Variants in SMPD3 observed in about 807,000 individuals in gnomAD.
SMPD3 encodes the protein sphingomyelin phosphodiesterase 3.
SMPD3 carries 21 observed loss-of-function variants against 55.7 expected under a neutral mutation model. The observed-to-expected ratio is 0.38, with a 90% CI of 0.27 to 0.54. The LOEUF is 0.54. SMPD3 is among the 20% of genes least tolerant of loss of function. The probability of loss-of-function intolerance (pLI) is 0.80; values close to 1 mark genes in which losing one functional copy is unlikely to be tolerated. For missense variants in SMPD3, 842 were observed against 899.6 expected (o/e 0.94, Z 0.82); for synonymous variants, 457 against 404.3 (o/e 1.13, Z -1.56).
At chr16:68,445,099 A>G (rs1219931492) in intron 1 of SMPD3, among the ~76,000 whole-genome samples, 2 of 152,248 alleles carry the variant, frequency 1.3e-5, no homozygotes, top group African/African-American at 4.8e-5. Flanking sequence ...CACTTCTGTC[A>G]TTAGGCCTGG....
chr16:68,397,562 C>T (rs2090169019), intron 1 of SMPD3, among the ~76,000 whole-genome samples: 1 of 152,144 alleles, frequency 6.6e-6, no homozygotes, highest in Non-Finnish European at 1.5e-5. Context: ...ACCTGGGTAC[C>T]CTCCCCGCTG....
intron 1 of SMPD3, among the ~76,000 whole-genome samples, chr16:68,413,122 C>G (rs2090314568): frequency 6.6e-6 from 1 of 152,228 alleles, no homozygotes; most frequent in Non-Finnish European, 1.5e-5. Flanking sequence ...CTCTTTGACA[C>G]CAGGTGAATG....
chr16:68,363,710 C>T, intron 6 of SMPD3, 67 bp downstream of exon 6: 3 of 1,492,622 alleles, frequency 2.0e-6, no homozygotes, highest in Non-Finnish European at 2.7e-6. Context: ...GGGGTAGGTC[C>T]TGGTGATCTT....
chr16:68,370,615 G>A (rs2089632164), intron 3 of SMPD3, among the ~76,000 whole-genome samples: 2 of 56,790 alleles, frequency 3.5e-5, no homozygotes, highest in African/African-American at 4.4e-4. Flanking sequence ...TGAGGAACGG[G>A]CCCAGATCAC....
chr16:68,408,243 C>T (rs1291083947), intron 1 of SMPD3, among the ~76,000 whole-genome samples: 6 of 152,066 alleles, frequency 3.9e-5, no homozygotes, highest in Non-Finnish European at 8.8e-5. Context: ...CTTCAATCTG[C>T]AAAGGGAAAA....
chr16:68,415,338 G>A (rs1211885001), intron 1 of SMPD3, among the ~76,000 whole-genome samples: 1 of 152,130 alleles, frequency 6.6e-6, no homozygotes, highest in African/African-American at 2.4e-5. Context: ...AGAGTCCTTG[G>A]GGGTCAGGCA....
intron 1 of SMPD3, among the ~76,000 whole-genome samples, chr16:68,423,979 G>C (rs2090416394): frequency 6.6e-6 from 1 of 151,954 alleles, no homozygotes; most frequent in African/African-American, 2.4e-5. Context: ...AGTGAGGGTG[G>C]ACATGGCCCA....
intron 7 of SMPD3, 69 bp downstream of exon 7, chr16:68,363,427 C>T (rs746617962): frequency 3.2e-6 from 5 of 1,567,008 alleles, no homozygotes; most frequent in South Asian, 1.1e-5. Flanking sequence ...CCATGTGGGT[C>T]CTGCCCAGTC....
rs1188780711 is a variant in SMPD3 at position 68,358,563 on chromosome 16, T to TA, written c.*2642dup. ...ACAATACAGAAAAAAATACAGAAAT[T>TA]AAAAAAGTTTTTATAACAGTATTTC... is the stretch of plus-strand genomic sequence containing the variant. On this transcript the variant is annotated 3_prime_UTR_variant, in exon 9 of 9. Coordinates refer to ENST00000219334, the MANE Select transcript of SMPD3 (RefSeq NM_018667.4). 6.6e-6 allele frequency: 1 copy of TA among 152,566 alleles called. No homozygotes were observed. Among genetic ancestry groups the TA allele is most frequent in the African/African-American group, 2.4e-5 (1 of 41,428 alleles). The allele number at this position is 152,566 out of a possible 1,614,324, so 9.5% of individuals were successfully genotyped here. A position where few individuals can be genotyped will look rare whatever the true frequency, so the allele number is the denominator to read the frequency against.
chr16:68,446,696 G>T (rs2090612752), intron 1 of SMPD3, among the ~76,000 whole-genome samples: 1 of 152,178 alleles, frequency 6.6e-6, no homozygotes, highest in Admixed American at 6.5e-5. Flanking sequence ...TAACATGGCT[G>T]ATGGGGCGTG....
intron 1 of SMPD3, among the ~76,000 whole-genome samples, chr16:68,446,873 A>G (rs1294257366): frequency 6.6e-6 from 1 of 152,186 alleles, no homozygotes; most frequent in Non-Finnish European, 1.5e-5. Flanking sequence ...CATCGCGTGC[A>G]CAGAATCCTG....
At chr16:68,419,342 G>T (rs1426406278) in intron 1 of SMPD3, among the ~76,000 whole-genome samples, 2 of 152,236 alleles carry the variant, frequency 1.3e-5, no homozygotes, top group Non-Finnish European at 2.9e-5. Context: ...CAAGACTGAG[G>T]ATTTTGTGTC....
chr16:68,369,801 A>ATAGGGCT (rs1398954827), intron 3 of SMPD3: 1 of 152,270 alleles, frequency 6.6e-6, no homozygotes, highest in Non-Finnish European at 1.5e-5. Context: ...CCTGGCTCCC[A>ATAGGGCT]TAGGGCTTGA....
chr16:68,410,064 C>A (rs1450754882), intron 1 of SMPD3, among the ~76,000 whole-genome samples: 1 of 152,248 alleles, frequency 6.6e-6, no homozygotes, highest in African/African-American at 2.4e-5. Flanking sequence ...GAGATAAGAC[C>A]TGCCTGTCCC....
rs547879716 is a variant in SMPD3, at chr16:68,407,827, G to A, written c.-268-21168C>T. On this transcript the variant is annotated intron_variant, in intron 1 of 8. Coordinates refer to ENST00000219334, the MANE Select transcript of SMPD3 (RefSeq NM_018667.4). ...TCTGGTATTGATAATATTGTAATACGTGTTTGCCTACTTATAAAAAACAGT... is the reference window on the plus strand; with the variant it reads ...TCTGGTATTGATAATATTGTAATACATGTTTGCCTACTTATAAAAAACAGT... Among the ~76,000 whole-genome samples, 8 of 152,200 alleles carry A rather than the reference G, an allele frequency of 5.3e-5. No individual in the cohort carries two copies. In the South Asian group the frequency reaches 1.2e-3, roughly 24 times the overall value.
In SMPD3 at chr16:68,371,861, A is replaced by C; in HGVS notation, c.321T>G (p.Gly107=). 6.2e-7 allele frequency: 1 copy of C among 1,606,190 alleles called. No individual in the cohort carries two copies. Residue 107 remains glycine, a synonymous_variant, in exon 3 of 9, where the codon GGT becomes GGG. Transcript: ENST00000219334. ...YSRLEDKGLA[G]GAALLSEWKG... is the part of the protein sequence containing the mutation. ...TCCATTCACTGAGCAGGGCTGCCCC[A>C]CCGGCCAGGCCCTTGTCTTCCAGCC...
At chr16:68,396,153 C>T (rs2090155376) in intron 1 of SMPD3, among the ~76,000 whole-genome samples, 1 of 152,222 alleles carries the variant, frequency 6.6e-6, no homozygotes, top group South Asian at 2.1e-4. Context: ...CCGTGGCTGT[C>T]ACCGCCACCA....
intron 1 of SMPD3, among the ~76,000 whole-genome samples, chr16:68,387,289 T>C (rs2090065886): frequency 6.6e-6 from 1 of 152,044 alleles, no homozygotes; most frequent in African/African-American, 2.4e-5. Flanking sequence ...AGTGGGACAC[T>C]TTGTGAACCC....
intron 1 of SMPD3, among the ~76,000 whole-genome samples, chr16:68,395,264 G>T (rs940718003): frequency 6.6e-6 from 1 of 152,136 alleles, no homozygotes; most frequent in Non-Finnish European, 1.5e-5. Context: ...CCTTTGTTGG[G>T]TGGCAACTGT....
Sources: allele counts gnomAD v4.1 joint callset (sites outside exome capture counted in the v4.1 genomes callset), GRCh38; gene constraint gnomAD v4.1.1; transcripts MANE v1.5; gene names NCBI Gene and HGNC (gene_info 2026-07-23, HGNC 2026-07-21).